HEATR1: variants seen among roughly 807,000 people sequenced by gnomAD.
HEATR1 encodes the protein HEAT repeat-containing protein 1.
Under a neutral mutation model 248.2 loss-of-function variants are expected in HEATR1, and 77 were observed. The observed-to-expected ratio is 0.31, with a 90% CI of 0.26 to 0.37. The LOEUF is 0.37. Among genes scored for constraint, HEATR1 ranks in the 10% least tolerant of loss-of-function variants. HEATR1 has a pLI of 1.00. For synonymous variants in HEATR1, 897 were observed against 923.1 expected (o/e 0.97, Z 0.51); for missense variants, 2,420 against 2,504.9 (o/e 0.97, Z 0.72).
In HEATR1 at chr1:236,559,042, G is replaced by A. The variant is rs1663052510; in HGVS notation, c.4864C>T (p.Leu1622Phe). The A allele has an allele frequency of 2.5e-6, 4 of 1,611,514 alleles. No individual in the cohort carries two copies. The highest frequency in any genetic ancestry group is 3.4e-6 in the Non-Finnish European group (4 of 1,179,454). ...TTTTGCTGCAGCTTGTTATTCAAAA[G>A]GTCCAGCGCTTTGCGGCGAACAGAT... is the stretch of plus-strand genomic sequence containing the variant. ...LPSVRRKALD[L>F]LNNKLQQNIS... Residue 1622 changes from leucine (L) to phenylalanine (F), a missense_variant, in exon 35 of 45, where the codon CTT becomes TTT. Coordinates refer to ENST00000366582, the MANE Select transcript of HEATR1 (RefSeq NM_018072.6).
At chr1:236,583,484 C>CTTTT (rs373107503) in intron 17 of HEATR1, among the ~76,000 whole-genome samples, 2 of 115,246 alleles carry the variant, frequency 1.7e-5, no homozygotes, top group African/African-American at 3.2e-5. Flanking sequence ...AGGCATATTT[C>CTTTT]TTTTTTTTTT....
chr1:236,597,411 C>T (rs1454124103), intron 5 of HEATR1, among the ~76,000 whole-genome samples: 2 of 151,952 alleles, frequency 1.3e-5, no homozygotes, highest in Non-Finnish European at 2.9e-5. Flanking sequence ...CCCCACCATG[C>T]CCAGTTTATT....
At chr1:236,575,547 T>C (rs1663543334) in intron 22 of HEATR1, among the ~76,000 whole-genome samples, 1 of 152,186 alleles carries the variant, frequency 6.6e-6, no homozygotes. Context: ...ATTTAAACTA[T>C]ACCAGGGACA....
chr1:236,591,910 G>A (rs1664048662), intron 11 of HEATR1, 83 bp downstream of exon 11: 2 of 768,220 alleles, frequency 2.6e-6, no homozygotes, highest in African/African-American at 3.5e-5. Flanking sequence ...AGGGAAAAAA[G>A]TGGCAAATTT....
In HEATR1 at chr1:236,580,518, C is replaced by CTTT. The variant is rs1663689230; in HGVS notation, c.2755+703_2755+704insAAA. Among the ~76,000 whole-genome samples, 3 of 45,868 alleles carry CTTT rather than the reference C, an allele frequency of 6.5e-5. 1 individual carries two copies. Among genetic ancestry groups the CTTT allele is most frequent in the Non-Finnish European group, 1.8e-4 (3 of 16,708 alleles). The allele number at this position is 45,868 out of a possible 152,430, so 30.1% of individuals were successfully genotyped here. A position where few individuals can be genotyped will look rare whatever the true frequency, so the allele number is the denominator to read the frequency against. On this transcript the variant is annotated intron_variant, in intron 20 of 44. Transcript: ENST00000366582. The stretch of plus-strand genomic sequence containing the variant: ...CCAGAAATATGTATAGATGTACAGC[C>CTTT]CTTTTTTTTTTTTTTTGAGACAGGG...
rs372793751 is a variant in HEATR1, at chr1:236,603,239, T to C, written c.280A>G (p.Ile94Val). Residue 94 changes from isoleucine (I) to valine (V), a missense_variant, in exon 3 of 45, where the codon ATT becomes GTT. By Grantham distance (29) the Ile-to-Val change is conservative (BLOSUM62 3). Coordinates refer to ENST00000366582, the MANE Select transcript of HEATR1 (RefSeq NM_018072.6). Reference protein sequence around the residue: ...KAVNKQLDENISLFLIHLSPY... With the variant: ...KAVNKQLDENVSLFLIHLSPY... ...GACAAGTGAATAAGGAATAATGAAA[T>C]GTTTTCATCCAACTGTTTGTTTACT... The C allele has an allele frequency of 6.8e-6, 11 of 1,614,046 alleles. No individual in the cohort carries two copies. Among genetic ancestry groups the C allele is most frequent in the Non-Finnish European group, 9.3e-6 (11 of 1,180,026 alleles).
chr1:236,576,472 A>T (rs533767279), intron 21 of HEATR1, 95 bp from the exon 22 acceptor site: 1 of 923,922 alleles, frequency 1.1e-6, no homozygotes, highest in Non-Finnish European at 1.6e-6. Flanking sequence ...AAATGATGTG[A>T]CATTGTTTAT....
At position 236,569,141 on chromosome 1, in the gene HEATR1, C is replaced by A; in HGVS notation, c.3949-17G>T. ...AACTTTATCCTGAAAGAAAACACAA[C>A]TATCAACATTTTTTATTTCTGTTAA... is the stretch of plus-strand genomic sequence containing the variant. On this transcript the variant is annotated splice_polypyrimidine_tract_variant and intron_variant, in intron 28 of 44. Transcript: ENST00000366582. 1 of 1,546,648 alleles carries A rather than the reference C, an allele frequency of 6.5e-7. No individual in the cohort carries two copies. Among genetic ancestry groups the A allele is most frequent in the Non-Finnish European group, 8.7e-7 (1 of 1,147,710 alleles).
chr1:236,572,341 G>C, intron 26 of HEATR1, 70 bp downstream of exon 26: 1 of 1,463,254 alleles, frequency 6.8e-7, no homozygotes, highest in African/African-American at 1.4e-5. Flanking sequence ...ATGTTGAAAA[G>C]AGAATGTTAG....
rs929276157 is a variant in HEATR1 at position 236,562,685 on chromosome 1, C to T, written c.4600-1414G>A. The stretch of plus-strand genomic sequence containing the variant: ...AAAATGATATAATTGAAAAAGCACA[C>T]TGAGTTTCTAGACCAATCTGGGCAG... On this transcript the variant is annotated intron_variant, in intron 32 of 44. Transcript: ENST00000366582. Among the ~76,000 whole-genome samples the T allele has an allele frequency of 2.0e-5, 3 of 152,172 alleles. No individual in the cohort carries two copies. The East Asian group carries it at 5.8e-4, about 29-fold the overall frequency.
At position 236,591,990 on chromosome 1, in the gene HEATR1, T is replaced by C. The variant is rs1664050382; in HGVS notation, c.1422+3A>G. Reference sequence around the variant, plus strand: ...GTCATAATTCCTTTGGAGAACAACATACCTGATACTTTCCTCCACTTGTAG... The same window carrying C: ...GTCATAATTCCTTTGGAGAACAACACACCTGATACTTTCCTCCACTTGTAG... On this transcript the variant is annotated splice_donor_region_variant and intron_variant, in intron 11 of 44. Transcript: ENST00000366582. 6.5e-7 allele frequency: 1 copy of C among 1,534,016 alleles called. No individual in the cohort carries two copies. Among genetic ancestry groups the C allele is most frequent in the Non-Finnish European group, 9.0e-7 (1 of 1,110,056 alleles).
At chr1:236,568,974 C>T (rs778011008) in intron 29 of HEATR1, 22 bp downstream of exon 29, 21 of 1,442,336 alleles carry the variant, frequency 1.5e-5, no homozygotes, top group African/African-American at 1.0e-4. Context: ...AGAAACCCCA[C>T]GATGGTATAA....
chr1:236,590,688 C>T (rs1262407339), intron 12 of HEATR1, among the ~76,000 whole-genome samples, 159 bp downstream of exon 12: 1 of 152,138 alleles, frequency 6.6e-6, no homozygotes, highest in African/African-American at 2.4e-5. Context: ...GGACAACTGG[C>T]ATACACAGTC....
At chr1:236,603,740 C>G (rs571237780) in intron 2 of HEATR1, among the ~76,000 whole-genome samples, 13 of 152,070 alleles carry the variant, frequency 8.5e-5, no homozygotes, top group African/African-American at 2.9e-4. Flanking sequence ...TTTGTTTCTT[C>G]ATCTGTGAAA....
At position 236,574,237 on chromosome 1, in the gene HEATR1, G is replaced by A; in HGVS notation, c.3424C>T (p.His1142Tyr). The A allele has an allele frequency of 6.2e-7, 1 of 1,612,608 alleles. No individual in the cohort carries two copies. Among genetic ancestry groups the A allele is most frequent in the Non-Finnish European group, 8.5e-7 (1 of 1,179,428 alleles). ...ACACTGCTGACAGTCTGAGCACAAT[G>A]TGAGTTTTTACAGTTCACCAATAAA... is the stretch of plus-strand genomic sequence containing the variant. Reference protein sequence around the residue: ...FDLLVNCKNSHCAQTVSSVFK... With the variant: ...FDLLVNCKNSYCAQTVSSVFK... Residue 1142 changes from histidine to tyrosine, a missense_variant, in exon 24 of 45, where the codon CAT (histidine) becomes TAT (tyrosine). Transcript: ENST00000366582.
At position 236,596,863 on chromosome 1, in the gene HEATR1, G is replaced by T. The variant is rs139982989; in HGVS notation, c.717C>A (p.Ile239=). ...TTTGGATATAGGGAAATAGTTTGGC[G>T]ATGATATTGTCTGATACGTCCTCTG... is the stretch of plus-strand genomic sequence containing the variant. ...VAAEDVSDNI[I]AKLFPYIQKG... The change falls in exon 6 of 45, where the codon ATC becomes ATA. Residue 239 remains isoleucine (I), a synonymous_variant. Transcript: ENST00000366582. 2 of 1,613,548 alleles carry T rather than the reference G, an allele frequency of 1.2e-6. No individual in the cohort carries two copies. The highest frequency in any genetic ancestry group is 2.7e-5 in the African/African-American group (2 of 74,890).
intron 32 of HEATR1, among the ~76,000 whole-genome samples, chr1:236,563,880 C>T (rs75163507): frequency 0.025 from 3,742 of 152,198 alleles, 144 homozygotes; most frequent in African/African-American, 0.085. Flanking sequence ...TATGGGAACT[C>T]GAGTTGGGAG....
At position 236,559,044 on chromosome 1, in the gene HEATR1, T is replaced by C. The variant is rs1663052626; in HGVS notation, c.4862A>G (p.Asp1621Gly). 6.2e-7 allele frequency: 1 copy of C among 1,612,910 alleles called. No homozygotes were observed. The highest frequency in any genetic ancestry group is 1.7e-5 in the Admixed American group (1 of 59,570). ...TTGCTGCAGCTTGTTATTCAAAAGGTCCAGCGCTTTGCGGCGAACAGATGG... is the reference window on the plus strand; with the variant it reads ...TTGCTGCAGCTTGTTATTCAAAAGGCCCAGCGCTTTGCGGCGAACAGATGG... ...PLPSVRRKAL[D>G]LLNNKLQQNI... is the part of the protein sequence containing the mutation. Residue 1621 changes from aspartate (D) to glycine (G), a missense_variant, in exon 35 of 45, where the codon GAC (aspartate) becomes GGC (glycine). Asp to Gly is a moderately conservative substitution (Grantham distance 94). Transcript: ENST00000366582.
intron 3 of HEATR1, among the ~76,000 whole-genome samples, chr1:236,599,894 AT>A (rs1317658904): frequency 6.6e-6 from 1 of 151,948 alleles, no homozygotes; most frequent in Non-Finnish European, 1.5e-5. Flanking sequence ...CAGCTTTACA[AT>A]TTTTATTTAA....
Sources: gnomAD v4.1 joint callset for allele counts (sites outside exome capture counted in the v4.1 genomes callset) on GRCh38, gnomAD v4.1.1 for gene constraint, MANE v1.5 for transcripts, NCBI Gene and HGNC (gene_info 2026-07-23, HGNC 2026-07-21) for gene names.